Variants in MARCHF8 observed in about 807,000 individuals in gnomAD.
The protein encoded by MARCHF8 is E3 ubiquitin-protein ligase MARCHF8.
A neutral mutation model predicts 51.6 loss-of-function variants in MARCHF8; 40 were observed. The ratio of observed to expected loss-of-function variants is 0.77; its 90% CI spans 0.60 to 1.01. The LOEUF (loss-of-function observed/expected upper bound fraction) is 1.01, where lower values mean the gene tolerates loss of function less well. MARCHF8 is among the 50% of genes least tolerant of loss of function. The pLI, the probability that MARCHF8 is intolerant of heterozygous loss-of-function variation, is 0.00. For synonymous variants in MARCHF8, 263 were observed against 280.3 expected (o/e 0.94, Z 0.62); for missense variants, 685 against 708.6 (o/e 0.97, Z 0.38).
intron 5 of MARCHF8, chr10:45,461,812 C>T (rs989786793): frequency 6.5e-6 from 1 of 154,824 alleles, no homozygotes; most frequent in African/African-American, 2.4e-5. Context: ...CCAAAAATAC[C>T]AGTGACCTTA....
At chr10:45,470,745 G>C (rs748954356) in intron 3 of MARCHF8, among the ~76,000 whole-genome samples, 1 of 152,096 alleles carries the variant, frequency 6.6e-6, no homozygotes, top group African/African-American at 2.4e-5. Flanking sequence ...TGCTCCTAAC[G>C]GTCAACTCGG....
At chr10:45,511,376 GCCCTCTCCCTCT>G (rs111486746) in intron 2 of MARCHF8, among the ~76,000 whole-genome samples, 11 of 151,878 alleles carry the variant, frequency 7.2e-5, no homozygotes, top group African/African-American at 1.5e-4. Flanking sequence ...ATAACACTGT[GCCCTCTCCCTCT>G]CCCTCTCCCT....
At chr10:45,461,654 AAATGAC>A in intron 5 of MARCHF8, 1 of 344,110 alleles carries the variant, frequency 2.9e-6, no homozygotes, top group Non-Finnish European at 5.2e-6. Flanking sequence ...ACGATGTAAG[AAATGAC>A]AAAGCTGTCA....
intron 2 of MARCHF8, among the ~76,000 whole-genome samples, chr10:45,512,125 C>G (rs948551689): frequency 6.6e-6 from 1 of 150,966 alleles, no homozygotes; most frequent in South Asian, 2.1e-4. Context: ...TGAGAGCGCC[C>G]AGCCGCGACC....
At chr10:45,549,877 G>A (rs1377022567) in intron 1 of MARCHF8, among the ~76,000 whole-genome samples, 2 of 152,146 alleles carry the variant, frequency 1.3e-5, no homozygotes, top group Admixed American at 6.5e-5. Context: ...CACCAGATGT[G>A]AGCCCCTCAA....
At chr10:45,512,250 G>A (rs180682909) in intron 2 of MARCHF8, among the ~76,000 whole-genome samples, 3,576 of 144,788 alleles carry the variant, frequency 0.025, 137 homozygotes, top group African/African-American at 0.087. Context: ...CCCGGCAGCC[G>A]CCCCGTCTGA....
At chr10:45,506,835 T>C (rs1427013728) in intron 2 of MARCHF8, among the ~76,000 whole-genome samples, 1 of 152,140 alleles carries the variant, frequency 6.6e-6, no homozygotes, top group Non-Finnish European at 1.5e-5. Flanking sequence ...TTTCACTTCT[T>C]TTGTGATTCT....
chr10:45,506,987 C>T (rs1348582165), intron 2 of MARCHF8, among the ~76,000 whole-genome samples: 2 of 152,126 alleles, frequency 1.3e-5, no homozygotes, highest in Admixed American at 6.5e-5. Flanking sequence ...TCATTTTTGC[C>T]ACTCTTGAGA....
At chr10:45,570,506 A>G (rs78956906) in intron 1 of MARCHF8, among the ~76,000 whole-genome samples, 7,300 of 152,290 alleles carry the variant, frequency 0.048, 207 homozygotes, top group Middle Eastern at 0.12. Context: ...ACCTTCAGCA[A>G]ATAATGAAAT....
upstream of MARCHF8, chr10:45,535,512 G>A (rs898824258): frequency 1.3e-5 from 2 of 152,140 alleles, no homozygotes; most frequent in African/African-American, 2.4e-5. Context: ...AGTTTTGAAG[G>A]ACATCCCTCC....
At chr10:45,482,296 C>A (rs1052006540) in intron 3 of MARCHF8, among the ~76,000 whole-genome samples, 2 of 152,124 alleles carry the variant, frequency 1.3e-5, no homozygotes, top group Non-Finnish European at 2.9e-5. Flanking sequence ...TCATTTTACA[C>A]AGAAACAGAA....
intron 3 of MARCHF8, 23 bp from the exon 4 acceptor site, chr10:45,464,350 A>G: frequency 8.1e-6 from 13 of 1,605,396 alleles, no homozygotes; most frequent in Non-Finnish European, 1.1e-5. Context: ...ACCTGTGGTC[A>G]GTGTTCAGGT....
At chr10:45,549,256 C>T (rs1344767122) in intron 1 of MARCHF8, among the ~76,000 whole-genome samples, 2 of 152,176 alleles carry the variant, frequency 1.3e-5, no homozygotes, top group African/African-American at 4.8e-5. Flanking sequence ...GGATTCCAGC[C>T]ACTTATCACA....
chr10:45,528,590 G>A (rs145958966), intron 2 of MARCHF8, among the ~76,000 whole-genome samples: 9 of 152,212 alleles, frequency 5.9e-5, no homozygotes, highest in South Asian at 2.1e-4. Flanking sequence ...ATCCCAAGTC[G>A]CTGGGACTTA....
At chr10:45,572,290 C>A (rs2044439588) in intron 1 of MARCHF8, among the ~76,000 whole-genome samples, 1 of 151,894 alleles carries the variant, frequency 6.6e-6, no homozygotes, top group Non-Finnish European at 1.5e-5. Flanking sequence ...GCACCCCCAC[C>A]CCTTTTCTCC....
rs1313102477 is a variant in MARCHF8, at chr10:45,459,235, G to A, written c.1302C>T (p.Arg434=). Residue 434 remains arginine, a synonymous_variant, in exon 7 of 8, where the codon CGC becomes CGT. Transcript: ENST00000453424. The stretch of plus-strand genomic sequence containing the variant: ...ATGTCACTGAGCACATGATCTTCCT[G>A]CGCTCGCTGGACGTCATCTGCAACT... ...WEKLQMTSSE[R]RKIMCSVTFH... is the part of the protein sequence containing the mutation. 6.2e-7 allele frequency: 1 copy of A among 1,614,056 alleles called. No homozygotes were observed. Among genetic ancestry groups the A allele is most frequent in the South Asian group, 1.1e-5 (1 of 91,066 alleles).
At chr10:45,462,634 G>GTT (rs147278638) in intron 5 of MARCHF8, among the ~76,000 whole-genome samples, 4 of 145,214 alleles carry the variant, frequency 2.8e-5, no homozygotes, top group Admixed American at 6.8e-5. Flanking sequence ...GTTTTGTTTT[G>GTT]TTTTTTTTTA....
intron 1 of MARCHF8, among the ~76,000 whole-genome samples, chr10:45,587,506 A>C (rs894881336): frequency 2.0e-5 from 3 of 152,192 alleles, no homozygotes; most frequent in Non-Finnish European, 4.4e-5. Context: ...AATTCTCCAC[A>C]AACTGATCTA....
chr10:45,542,450 G>T (rs1218740677), intron 1 of MARCHF8, among the ~76,000 whole-genome samples: 1 of 151,144 alleles, frequency 6.6e-6, no homozygotes, highest in Non-Finnish European at 1.5e-5. Context: ...ATGCTACTTA[G>T]TGTAAATATT....
Sources: gnomAD v4.1 joint callset for allele counts (sites outside exome capture counted in the v4.1 genomes callset) on GRCh38, gnomAD v4.1.1 for gene constraint, MANE v1.5 for transcripts, NCBI Gene and HGNC (gene_info 2026-07-23, HGNC 2026-07-21) for gene names.